Variants in GRM7 observed in about 807,000 individuals in gnomAD.
GRM7 encodes the protein glutamate metabotropic receptor 7.
Under a neutral mutation model 84.5 loss-of-function variants are expected in GRM7, and 35 were observed. The ratio of observed to expected loss-of-function variants is 0.41; its 90% CI spans 0.32 to 0.55. GRM7 has a LOEUF of 0.55. Among genes scored for constraint, GRM7 ranks in the 20% least tolerant of loss-of-function variants. GRM7 has a pLI of 0.19. For synonymous variants in GRM7, 487 were observed against 455.1 expected, an observed-to-expected ratio of 1.07 and a Z score of -0.89; for missense variants, 1,003 against 1,194.6, an observed-to-expected ratio of 0.84 and a Z score of 2.36.
chr3:7,313,491 G>C (rs963305503), intron 4 of GRM7, among the ~76,000 whole-genome samples: 1 of 151,920 alleles, frequency 6.6e-6, no homozygotes, highest in Admixed American at 6.6e-5. Context: ...TGCAACCTAA[G>C]GTATTCTTAA....
At chr3:7,316,192 T>C (rs1386456728) in intron 4 of GRM7, among the ~76,000 whole-genome samples, 1 of 151,910 alleles carries the variant, frequency 6.6e-6, no homozygotes, top group Non-Finnish European at 1.5e-5. Flanking sequence ...AAGAGGGAGA[T>C]GAAGTCAGGA....
At chr3:7,669,620 C>G (rs924781213) in intron 8 of GRM7, among the ~76,000 whole-genome samples, 1 of 152,122 alleles carries the variant, frequency 6.6e-6, no homozygotes, top group African/African-American at 2.4e-5. Context: ...ATGTGGAAGA[C>G]AAATTCAGAG....
chr3:7,588,850 A>G (rs1695641236), intron 8 of GRM7, among the ~76,000 whole-genome samples: 1 of 152,204 alleles, frequency 6.6e-6, no homozygotes, highest in Admixed American at 6.5e-5. Context: ...CTGAGATGTG[A>G]TCTCACGTTA....
chr3:7,186,056 G>A (rs9826678), intron 2 of GRM7, among the ~76,000 whole-genome samples: 8,295 of 152,212 alleles, frequency 0.054, 619 homozygotes, highest in African/African-American at 0.18. Context: ...CCATGGGCAT[G>A]TCTGGCTGCT....
At chr3:7,438,591 C>G (rs1697154459) in intron 5 of GRM7, among the ~76,000 whole-genome samples, 1 of 151,954 alleles carries the variant, frequency 6.6e-6, no homozygotes, top group Non-Finnish European at 1.5e-5. Context: ...AAGGGGCAAG[C>G]AGACAGAGTG....
chr3:7,157,645 G>GT (rs1250824395), intron 2 of GRM7, among the ~76,000 whole-genome samples: 1 of 151,774 alleles, frequency 6.6e-6, no homozygotes, highest in Non-Finnish European at 1.5e-5. Context: ...ATGGTTAAGA[G>GT]TTTTTTACAG....
At chr3:7,548,468 G>C (rs1575480267) in intron 7 of GRM7, among the ~76,000 whole-genome samples, 1 of 152,302 alleles carries the variant, frequency 6.6e-6, no homozygotes, top group East Asian at 1.9e-4. Context: ...CCCAGCCTCA[G>C]GTGTTTCTCT....
At chr3:7,544,717 C>T (rs890439876) in intron 7 of GRM7, among the ~76,000 whole-genome samples, 3 of 152,194 alleles carry the variant, frequency 2.0e-5, no homozygotes, top group African/African-American at 7.2e-5. Flanking sequence ...TCTCTTTCCT[C>T]CTTAGACAAG....
intron 1 of GRM7, among the ~76,000 whole-genome samples, chr3:7,110,221 C>A (rs1227613460): frequency 6.6e-6 from 1 of 152,072 alleles, no homozygotes; most frequent in East Asian, 1.9e-4. Context: ...CTTCTTAAAG[C>A]CTTTAATGCC....
intron 1 of GRM7, among the ~76,000 whole-genome samples, chr3:7,025,577 C>T (rs1575144189): frequency 6.6e-6 from 1 of 152,108 alleles, no homozygotes; most frequent in East Asian, 1.9e-4. Flanking sequence ...ACATCAAATC[C>T]CTGAGTCATG....
chr3:7,428,833 A>G (rs3792483), intron 5 of GRM7, among the ~76,000 whole-genome samples: 49,563 of 152,078 alleles, frequency 0.33, 9,426 homozygotes, highest in Non-Finnish European at 0.44. Flanking sequence ...CATACACACT[A>G]TATCTGTTGT....
chr3:7,604,878 A>G lies in GRM7; in HGVS notation c.2451+25521A>G, dbSNP rs372153563. On this transcript the variant is annotated intron_variant, in intron 8 of 9. Coordinates refer to ENST00000357716, the MANE Select transcript of GRM7 (RefSeq NM_000844.4). Reference sequence around the variant, plus strand: ...ATGTCTCATTTCAGTTTACAACAACAGCCTACCAAATTGTTTTATGAATTA... The same window carrying G: ...ATGTCTCATTTCAGTTTACAACAACGGCCTACCAAATTGTTTTATGAATTA... Among the ~76,000 whole-genome samples the G allele has an allele frequency of 3.9e-5, 6 of 152,218 alleles. No homozygotes were observed. In the East Asian group the frequency reaches 1.2e-3, roughly 29 times the overall value.
In GRM7 at chr3:7,634,564, T is replaced by A. The variant is rs543544120; in HGVS notation, c.2452-45485T>A. On this transcript the variant is annotated intron_variant, in intron 8 of 9. Transcript: ENST00000357716. ...ACTTTGGGAGGCCGAGGCGGGTGGA[T>A]CACAAGATCAAGGAGATCAGGAGAT... Among the ~76,000 whole-genome samples, 483 of 134,262 alleles carry A rather than the reference T, an allele frequency of 3.6e-3. 1 individual carries two copies. The highest frequency in any genetic ancestry group is 0.013 in the African/African-American group (446 of 33,896). The allele number at this position is 134,262 out of a possible 152,430, so 88.1% of individuals were successfully genotyped here.
chr3:7,303,778 T>C (rs1306206564), intron 3 of GRM7, among the ~76,000 whole-genome samples: 3 of 152,114 alleles, frequency 2.0e-5, no homozygotes, highest in East Asian at 1.9e-4. Context: ...TCCTGAAATT[T>C]CCATTATTCT....
chr3:7,243,406 T>A (rs1172645561), intron 2 of GRM7, among the ~76,000 whole-genome samples: 3 of 152,130 alleles, frequency 2.0e-5, no homozygotes, highest in Non-Finnish European at 4.4e-5. Context: ...GTTGGCTTCA[T>A]TCTCAGGAAG....
chr3:7,498,352 G>T (rs1403384600), intron 7 of GRM7, among the ~76,000 whole-genome samples: 1 of 152,148 alleles, frequency 6.6e-6, no homozygotes, highest in African/African-American at 2.4e-5. Context: ...CAGTAATTTG[G>T]GTTGGGCAAT....
chr3:7,182,324 T>C (rs2125098154), intron 2 of GRM7, among the ~76,000 whole-genome samples: 2 of 152,342 alleles, frequency 1.3e-5, no homozygotes, highest in African/African-American at 4.8e-5. Context: ...CATTTTGTAA[T>C]ATCAGCTGCT....
At chr3:7,219,546 G>A (rs1473303592) in intron 2 of GRM7, among the ~76,000 whole-genome samples, 1 of 152,172 alleles carries the variant, frequency 6.6e-6, no homozygotes, top group Non-Finnish European at 1.5e-5. Context: ...GTAATGGGAG[G>A]CACCTTCATG....
At chr3:7,413,079 CTGTA>C (rs1696011318) in intron 4 of GRM7, among the ~76,000 whole-genome samples, 1 of 152,120 alleles carries the variant, frequency 6.6e-6, no homozygotes, top group Non-Finnish European at 1.5e-5. Context: ...ACCTTGGTAA[CTGTA>C]TGTCTTGTAT....
Sources: gnomAD v4.1 joint callset for allele counts (sites outside exome capture counted in the v4.1 genomes callset) on GRCh38, gnomAD v4.1.1 for gene constraint, MANE v1.5 for transcripts, NCBI Gene and HGNC (gene_info 2026-07-23, HGNC 2026-07-21) for gene names.